BABAM2: variants seen among roughly 807,000 people sequenced by gnomAD.
The protein encoded by BABAM2 is BRISC and BRCA1 A complex member 2.
BABAM2 carries 31 observed loss-of-function variants against 54.7 expected under a neutral mutation model. That is an observed-to-expected ratio of 0.57 (90% CI 0.43 to 0.77). BABAM2 has a LOEUF of 0.77. BABAM2 is among the 30% of genes least tolerant of loss of function. The pLI is 0.00. For missense variants in BABAM2, 364 were observed against 455.8 expected, an observed-to-expected ratio of 0.80 and a Z score of 1.83; for synonymous variants, 167 against 162.9, an observed-to-expected ratio of 1.03 and a Z score of -0.19.
intron 7 of BABAM2, among the ~76,000 whole-genome samples, chr2:28,159,602 G>A (rs956629481): frequency 5.3e-5 from 8 of 152,158 alleles, no homozygotes; most frequent in Non-Finnish European, 8.8e-5. Context: ...AGAATTGGCC[G>A]GATGCAGTGG....
intron 2 of BABAM2, among the ~76,000 whole-genome samples, chr2:27,902,602 T>C (rs1363076092): frequency 5.3e-5 from 8 of 152,180 alleles, no homozygotes; most frequent in South Asian, 2.1e-4. Flanking sequence ...TGGTATCTCA[T>C]TGTGGTGAAA....
chr2:27,997,899 A>G (rs1005467143), intron 4 of BABAM2, among the ~76,000 whole-genome samples: 4 of 152,278 alleles, frequency 2.6e-5, no homozygotes, highest in Admixed American at 6.5e-5. Context: ...TCAGGCCTGT[A>G]ATCTGAGCAT....
At chr2:28,168,844 C>T (rs1306701927) in intron 7 of BABAM2, among the ~76,000 whole-genome samples, 1 of 152,146 alleles carries the variant, frequency 6.6e-6, no homozygotes, top group African/African-American at 2.4e-5. Context: ...ACCCAAGGAG[C>T]AGGATAGTTA....
intron 11 of BABAM2, among the ~76,000 whole-genome samples, chr2:28,306,977 T>A (rs2148266752): frequency 7.2e-6 from 1 of 139,272 alleles, no homozygotes; most frequent in Admixed American, 7.7e-5. Flanking sequence ...ATTACAGGCA[T>A]GAGCCACCAC....
At position 28,331,097 on chromosome 2, in the gene BABAM2, G is replaced by T. The variant is rs1169334816; in HGVS notation, c.1089-7353G>T. On this transcript the variant is annotated intron_variant, in intron 11 of 11. Coordinates refer to ENST00000379624, the MANE Select transcript of BABAM2 (RefSeq NM_199191.3). The stretch of plus-strand genomic sequence containing the variant: ...AAGGATTCCCTATTCAATAAATGGT[G>T]CTGGGAAAACTGGCTAGCCATACGC... 2.6e-5 allele frequency among the ~76,000 whole-genome samples: 4 copies of T among 152,162 alleles called. 1 individual carries two copies. Among genetic ancestry groups the T allele is most frequent in the Non-Finnish European group, 5.9e-5 (4 of 68,040 alleles).
intron 3 of BABAM2, among the ~76,000 whole-genome samples, chr2:27,976,957 C>G (rs1448200752): frequency 6.6e-6 from 1 of 152,118 alleles, no homozygotes. Context: ...CCTCTGCCCC[C>G]TACTTCCATC....
chr2:28,016,559 T>C (rs1573397416), intron 4 of BABAM2: 2 of 596,286 alleles, frequency 3.4e-6, no homozygotes, highest in Admixed American at 2.6e-5. Flanking sequence ...CCGCCGCAGG[T>C]GCATTTCTTT....
intron 11 of BABAM2, among the ~76,000 whole-genome samples, chr2:28,334,275 GA>G (rs1691217287): frequency 6.6e-6 from 1 of 152,262 alleles, no homozygotes; most frequent in African/African-American, 2.4e-5. Context: ...AGTTTACAAG[GA>G]AAGACTAAGC....
At chr2:28,288,011 G>C (rs1258909433) in intron 10 of BABAM2, among the ~76,000 whole-genome samples, 1 of 152,184 alleles carries the variant, frequency 6.6e-6, no homozygotes, top group African/African-American at 2.4e-5. Context: ...CTTCATCCCA[G>C]CCTCAGCCAC....
At chr2:28,097,568 A>T (rs1553316390) in intron 6 of BABAM2, among the ~76,000 whole-genome samples, 3 of 152,016 alleles carry the variant, frequency 2.0e-5, no homozygotes, top group Non-Finnish European at 4.4e-5. Flanking sequence ...ACCTTATATC[A>T]CTTACATTTG....
chr2:28,317,947 T>C (rs796598068), intron 11 of BABAM2, among the ~76,000 whole-genome samples: 2 of 152,360 alleles, frequency 1.3e-5, no homozygotes, highest in African/African-American at 4.8e-5. Context: ...GAGCTTGATA[T>C]GTAGGTTGTC....
At chr2:28,223,561 T>C (rs1402046553) in intron 7 of BABAM2, among the ~76,000 whole-genome samples, 1 of 152,182 alleles carries the variant, frequency 6.6e-6, no homozygotes, top group African/African-American at 2.4e-5. Context: ...TCTCTGCTTA[T>C]TGGGCAGCTG....
chr2:27,922,409 T>C (rs1007486871), intron 2 of BABAM2, among the ~76,000 whole-genome samples: 6 of 152,332 alleles, frequency 3.9e-5, no homozygotes, highest in Admixed American at 3.3e-4. Context: ...CAGATGAGAA[T>C]GTGCGAAGGT....
At chr2:28,212,066 A>G (rs1679516098) in intron 7 of BABAM2, among the ~76,000 whole-genome samples, 1 of 152,142 alleles carries the variant, frequency 6.6e-6, no homozygotes. Context: ...GACAAAACCA[A>G]ATCAGTTGTC....
At chr2:28,194,785 C>A (rs556921834) in intron 7 of BABAM2, among the ~76,000 whole-genome samples, 1 of 152,156 alleles carries the variant, frequency 6.6e-6, no homozygotes, top group African/African-American at 2.4e-5. Context: ...GTCTCGAACT[C>A]CTAACCTCAG....
chr2:28,293,150 C>T (rs1013594172), intron 10 of BABAM2, among the ~76,000 whole-genome samples: 1 of 151,730 alleles, frequency 6.6e-6, no homozygotes, highest in Non-Finnish European at 1.5e-5. Flanking sequence ...TAATTAGATA[C>T]TTTTTTTTTC....
At chr2:27,930,737 A>G (rs111454998) in intron 3 of BABAM2, among the ~76,000 whole-genome samples, 2,102 of 152,312 alleles carry the variant, frequency 0.014, 54 homozygotes, top group African/African-American at 0.048. Context: ...CCCATCAGCT[A>G]CAGCAGCCCT....
At chr2:28,261,754 C>G (rs1277501514) in intron 10 of BABAM2, among the ~76,000 whole-genome samples, 1 of 151,192 alleles carries the variant, frequency 6.6e-6, no homozygotes, top group Non-Finnish European at 1.5e-5. Context: ...CTCTCCCCTC[C>G]CCTCTCCTCC....
chr2:28,317,205 C>T (rs568929012), intron 11 of BABAM2, among the ~76,000 whole-genome samples: 2 of 152,334 alleles, frequency 1.3e-5, no homozygotes, highest in South Asian at 2.1e-4. Flanking sequence ...TCACTGCTTT[C>T]TTTGCCCCAC....
Sources: gnomAD v4.1 joint callset for allele counts (sites outside exome capture counted in the v4.1 genomes callset) on GRCh38, gnomAD v4.1.1 for gene constraint, MANE v1.5 for transcripts, NCBI Gene and HGNC (gene_info 2026-07-23, HGNC 2026-07-21) for gene names.